The following PIEZO2 variants were observed in gnomAD, a reference collection of about 807,000 sequenced individuals.
PIEZO2 encodes the protein piezo type mechanosensitive ion channel component 2, also known as piezo-type mechanosensitive ion channel component 2.
In PIEZO2, 172 loss-of-function variants were observed where a neutral mutation model predicts 337.3. That is an observed-to-expected ratio of 0.51 (90% CI 0.45 to 0.58). The LOEUF is 0.58. PIEZO2 is among the 20% of genes least tolerant of loss of function. The pLI is 0.00. For missense variants in PIEZO2, 3,028 were observed against 3,391.3 expected, an observed-to-expected ratio of 0.89 and a Z score of 2.66; for synonymous variants, 1,251 against 1,228.5, an observed-to-expected ratio of 1.02 and a Z score of -0.38.
chr18:11,078,110 C>T lies in PIEZO2; in HGVS notation c.65-11888G>A, dbSNP rs2038613160. Among the ~76,000 whole-genome samples the T allele has an allele frequency of 6.8e-6, 1 of 147,968 alleles. No individual in the cohort carries two copies. The highest frequency in any genetic ancestry group is 2.6e-5 in the African/African-American group (1 of 38,226). On this transcript the variant is annotated intron_variant, in intron 1 of 55. Coordinates refer to ENST00000674853, the MANE Select transcript of PIEZO2 (RefSeq NM_001378183.1). This position sits in a 1 kb window ranked among gnomAD's most constrained non-coding sequence, Gnocchi z 5.3. ...ACATACACACACACAAACACATACACATATACACACCATACACACACATAC... is the reference window on the plus strand; with the variant it reads ...ACATACACACACACAAACACATACATATATACACACCATACACACACATAC...
At chr18:10,763,193 C>G in intron 21 of PIEZO2, 95 bp from the exon 22 acceptor site, 1 of 1,329,986 alleles carries the variant, frequency 7.5e-7, no homozygotes. Context: ...TTACTCAGTT[C>G]GGCAAAAGCA....
chr18:10,864,464 C>T (rs2041955278), intron 5 of PIEZO2, among the ~76,000 whole-genome samples: 1 of 152,152 alleles, frequency 6.6e-6, no homozygotes, highest in Non-Finnish European at 1.5e-5. Context: ...TTGGAATGAC[C>T]TACTCTAGTT....
At chr18:10,719,634 T>C (rs114631765) in intron 36 of PIEZO2, among the ~76,000 whole-genome samples, 2,901 of 152,316 alleles carry the variant, frequency 0.019, 96 homozygotes, top group African/African-American at 0.066. Flanking sequence ...ATATTTATGC[T>C]ATTGTGAATA....
Position 11,127,873 on chromosome 18 carries a change from G to A in PIEZO2, c.64+20652C>T, listed in dbSNP as rs2040231800. Among the ~76,000 whole-genome samples the A allele has an allele frequency of 1.3e-5, 2 of 149,364 alleles. No homozygotes were observed. The highest frequency in any genetic ancestry group is 4.2e-4 in the South Asian group (2 of 4,712). Reference sequence around the variant, plus strand: ...TAAGAGAACCCTAATACAGATTTTGGTATCAGGAGTGGTTCTAGAGGAACA... The same window carrying A: ...TAAGAGAACCCTAATACAGATTTTGATATCAGGAGTGGTTCTAGAGGAACA... On this transcript the variant is annotated intron_variant, in intron 1 of 55. Transcript: ENST00000674853. The surrounding 1 kb of genome is among the most constrained non-coding windows in gnomAD (Gnocchi z 4.5).
intron 27 of PIEZO2, among the ~76,000 whole-genome samples, chr18:10,754,298 G>A (rs2037754420): frequency 6.6e-6 from 1 of 152,246 alleles, no homozygotes; most frequent in African/African-American, 2.4e-5. Context: ...CTAACTATCA[G>A]GGCTCTGGCC....
chr18:11,040,037 G>T (rs2625346), intron 2 of PIEZO2, among the ~76,000 whole-genome samples: 37,286 of 151,362 alleles, frequency 0.25, 4,698 homozygotes, highest in East Asian at 0.37. Flanking sequence ...CTCTACAGAT[G>T]ACATGAACCT....
At chr18:11,089,728 C>G (rs543983742) in intron 1 of PIEZO2, among the ~76,000 whole-genome samples, 1 of 152,292 alleles carries the variant, frequency 6.6e-6, no homozygotes, top group Admixed American at 6.5e-5. Context: ...GTCTTAGGCA[C>G]AAATGCTTTG....
chr18:11,118,476 A>C (rs1032263085), intron 1 of PIEZO2, among the ~76,000 whole-genome samples: 1 of 152,370 alleles, frequency 6.6e-6, no homozygotes, highest in African/African-American at 2.4e-5. Context: ...AACATTATAG[A>C]AAATAGTAAG....
intron 16 of PIEZO2, among the ~76,000 whole-genome samples, chr18:10,786,039 T>A (rs2039210982): frequency 6.6e-6 from 1 of 152,192 alleles, no homozygotes; most frequent in African/African-American, 2.4e-5. Flanking sequence ...CTGTTCCCTC[T>A]GCCTGAAATG....
Position 10,825,542 on chromosome 18 carries a change from C to T in PIEZO2, c.918-18268G>A, listed in dbSNP as rs1168107612. On this transcript the variant is annotated intron_variant, in intron 7 of 55. Transcript: ENST00000674853. ...GCTCTTTTTTTTTCCACTTTCTTTC[C>T]TTTCTTCCTTTTTTTTTTTTTTTTT... Among the ~76,000 whole-genome samples, 170 of 130,044 alleles carry T rather than the reference C, an allele frequency of 1.3e-3. 2 individuals are homozygous for T. Among genetic ancestry groups the T allele is most frequent in the African/African-American group, 4.9e-3 (158 of 32,554 alleles). 85.3% of individuals were successfully genotyped at this position (130,044 alleles called of 152,430 possible).
chr18:10,780,924 A>T (rs531242149), intron 17 of PIEZO2, among the ~76,000 whole-genome samples: 1 of 151,752 alleles, frequency 6.6e-6, no homozygotes, highest in African/African-American at 2.4e-5. Flanking sequence ...CAGCCTCCCA[A>T]AGTGCTGCGA....
rs2042846260 is a variant in PIEZO2 at position 10,894,639 on chromosome 18, G to T, written c.329+16547C>A. On this transcript the variant is annotated intron_variant, in intron 4 of 55. Transcript: ENST00000674853. This position sits in a 1 kb window ranked among gnomAD's most constrained non-coding sequence, Gnocchi z 4.1. The stretch of plus-strand genomic sequence containing the variant: ...CCCACCCCAAAGGAAGAAGAATCAG[G>T]AAAGAAGGGGCGCAAGACTCCGGAC... 1 of 152,258 alleles carries T rather than the reference G, an allele frequency of 6.6e-6. No homozygotes were observed. The highest frequency in any genetic ancestry group is 1.9e-4 in the East Asian group (1 of 5,190). 9.4% of individuals were successfully genotyped at this position (152,258 alleles called of 1,614,324 possible). A position where few individuals can be genotyped will look rare whatever the true frequency, so the allele number is the denominator to read the frequency against.
At chr18:10,869,235 G>A (rs1056916767) in intron 5 of PIEZO2, among the ~76,000 whole-genome samples, 3 of 152,168 alleles carry the variant, frequency 2.0e-5, no homozygotes, top group Non-Finnish European at 2.9e-5. Context: ...AGAAACAATT[G>A]TCTCAGCATC....
At chr18:10,793,443 C>A (rs2039478226) in intron 13 of PIEZO2, among the ~76,000 whole-genome samples, 1 of 152,046 alleles carries the variant, frequency 6.6e-6, no homozygotes, top group Non-Finnish European at 1.5e-5. Flanking sequence ...ATTTATTTCC[C>A]AAATAATGTT....
chr18:11,041,822 G>C (rs1216456425), intron 2 of PIEZO2, among the ~76,000 whole-genome samples: 1 of 152,168 alleles, frequency 6.6e-6, no homozygotes, highest in Non-Finnish European at 1.5e-5. Flanking sequence ...ATCTCCAGCA[G>C]AGTAACATCC....
chr18:10,705,662 C>T lies in PIEZO2; in HGVS notation c.5673G>A (p.Glu1891=), dbSNP rs1389848340. The change falls in exon 41 of 56, where the codon GAG becomes GAA. Residue 1891 remains glutamate (E), a synonymous_variant. Coordinates refer to ENST00000674853, the MANE Select transcript of PIEZO2 (RefSeq NM_001378183.1). ...TGGGCTCAGGCGCCGTGCTCCCTGC[C>T]TCCTCCTCCTGCTCAGCCTCCACCT... ...IEEVEAEQEE[E]AGSTAPEPRE... 3.9e-6 allele frequency: 6 copies of T among 1,536,986 alleles called. No homozygotes were observed. Among genetic ancestry groups the T allele is most frequent in the East Asian group, 2.4e-5 (1 of 40,902 alleles).
chr18:10,772,999 T>C (rs1392210557), intron 20 of PIEZO2, among the ~76,000 whole-genome samples: 1 of 152,228 alleles, frequency 6.6e-6, no homozygotes, highest in Admixed American at 6.5e-5. Flanking sequence ...TTCTTAATTA[T>C]TGGCTTCCTG....
rs147549526 is a variant in PIEZO2 at position 11,078,234 on chromosome 18, G to T, written c.65-12012C>A. Among the ~76,000 whole-genome samples, 164 of 152,136 alleles carry T rather than the reference G, an allele frequency of 1.1e-3. No homozygotes were observed. Among genetic ancestry groups the T allele is most frequent in the African/African-American group, 3.2e-3 (132 of 41,504 alleles). Reference sequence around the variant, plus strand: ...AAGCAGCAGTGGCTTTTTATAACAGGATTAATTTACTGCCTGCCATAGTTT... The same window carrying T: ...AAGCAGCAGTGGCTTTTTATAACAGTATTAATTTACTGCCTGCCATAGTTT... On this transcript the variant is annotated intron_variant, in intron 1 of 55. Coordinates refer to ENST00000674853, the MANE Select transcript of PIEZO2 (RefSeq NM_001378183.1). The surrounding 1 kb of genome is among the most constrained non-coding windows in gnomAD (Gnocchi z 5.3).
chr18:10,842,748 G>T (rs2041235859), intron 7 of PIEZO2, among the ~76,000 whole-genome samples: 1 of 152,220 alleles, frequency 6.6e-6, no homozygotes. Flanking sequence ...GGTTTCAATG[G>T]ATGTGTTTAT....
Sources: gnomAD v4.1 joint callset for allele counts (sites outside exome capture counted in the v4.1 genomes callset) on GRCh38, gnomAD v4.1.1 for gene constraint, Gnocchi (gnomAD v3.1) non-coding constraint, MANE v1.5 for transcripts, NCBI Gene and HGNC (gene_info 2026-07-23, HGNC 2026-07-21) for gene names.